NBAS: variants seen among roughly 807,000 people sequenced by gnomAD.
NBAS encodes the protein NBAS subunit of NRZ tethering complex.
NBAS carries 219 observed loss-of-function variants against 302.5 expected under a neutral mutation model. That is an observed-to-expected ratio of 0.72 (90% CI 0.65 to 0.81). The LOEUF is 0.81. Ranked by LOEUF, NBAS falls within the 30% of genes least tolerant of loss-of-function variation. The pLI is 0.00. For synonymous variants in NBAS, 1,118 were observed against 1,021.6 expected (o/e 1.09, Z -1.80); for missense variants, 2,932 against 2,841.6 (o/e 1.03, Z -0.72).
At chr2:14,999,468 A>C in the NBAS span, among the ~76,000 whole-genome samples, 3 of 152,130 alleles carry the variant, frequency 2.0e-5, no homozygotes, top group Non-Finnish European at 4.4e-5. Flanking sequence ...TGATTGCGTC[A>C]TGGGGGCGGA....
chr2:14,841,850 C>T, the NBAS span, among the ~76,000 whole-genome samples: 9 of 152,084 alleles, frequency 5.9e-5, no homozygotes, highest in Admixed American at 1.3e-4. Context: ...GCCTAACTGA[C>T]ATTTACAGAA....
At chr2:15,528,084 C>T (rs1017337102) in intron 9 of NBAS, among the ~76,000 whole-genome samples, 4 of 152,104 alleles carry the variant, frequency 2.6e-5, no homozygotes, top group Non-Finnish European at 5.9e-5. Context: ...ACACACTCTA[C>T]AGTATCAGCC....
the NBAS span, among the ~76,000 whole-genome samples, chr2:14,989,541 G>C: frequency 2.6e-5 from 4 of 151,874 alleles, no homozygotes; most frequent in Admixed American, 1.3e-4. Context: ...CTGGGCGACA[G>C]AGTGAGACAC....
chr2:14,949,104 C>T, the NBAS span, among the ~76,000 whole-genome samples: 2 of 152,072 alleles, frequency 1.3e-5, no homozygotes, highest in Admixed American at 6.6e-5. Context: ...AATTGGATTA[C>T]AGACTTAAAC....
the NBAS span, among the ~76,000 whole-genome samples, chr2:15,160,600 G>GA: frequency 7.6e-6 from 1 of 131,012 alleles, no homozygotes; most frequent in Non-Finnish European, 1.6e-5. Context: ...GGAGGGGGGG[G>GA]GGCAGGAGGC....
chr2:15,388,210 T>C (rs1353452837), intron 28 of NBAS, among the ~76,000 whole-genome samples: 1 of 152,206 alleles, frequency 6.6e-6, no homozygotes, highest in Non-Finnish European at 1.5e-5. Flanking sequence ...AATTTTCATA[T>C]ATATACTTTT....
At chr2:15,288,242 A>T (rs1670147181) in intron 41 of NBAS, among the ~76,000 whole-genome samples, 1 of 152,254 alleles carries the variant, frequency 6.6e-6, no homozygotes, top group Admixed American at 6.5e-5. Flanking sequence ...AACTAAAAAC[A>T]AACAAGCATT....
At chr2:15,536,943 G>A (rs1663548635) in intron 7 of NBAS, among the ~76,000 whole-genome samples, 1 of 152,210 alleles carries the variant, frequency 6.6e-6, no homozygotes. Flanking sequence ...GTAGCCTGCG[G>A]TAAAAAAGTC....
chr2:14,910,413 G>A, the NBAS span, among the ~76,000 whole-genome samples: 1 of 152,206 alleles, frequency 6.6e-6, no homozygotes, highest in Admixed American at 6.5e-5. Context: ...TGCCCTGTGA[G>A]TCCATGACAC....
At chr2:15,496,173 T>A (rs1054567355) in intron 11 of NBAS, among the ~76,000 whole-genome samples, 1 of 151,520 alleles carries the variant, frequency 6.6e-6, no homozygotes, top group South Asian at 2.1e-4. Flanking sequence ...TACTGATACA[T>A]GCAACAACAT....
chr2:15,292,805 C>G (rs982736501), intron 40 of NBAS, 39 bp from the exon 41 acceptor site: 1 of 1,583,318 alleles, frequency 6.3e-7, no homozygotes, highest in Non-Finnish European at 8.7e-7. Flanking sequence ...TTACCAACAT[C>G]ATACAAACAC....
chr2:15,258,242 T>C (rs1214175976), intron 44 of NBAS, among the ~76,000 whole-genome samples: 1 of 152,218 alleles, frequency 6.6e-6, no homozygotes, highest in African/African-American at 2.4e-5. Context: ...TCAGATCCAC[T>C]GTGATGATTG....
At chr2:15,405,929 T>C (rs1412706878) in intron 25 of NBAS, among the ~76,000 whole-genome samples, 1 of 151,964 alleles carries the variant, frequency 6.6e-6, no homozygotes, top group Non-Finnish European at 1.5e-5. Context: ...CATAAACTAA[T>C]AGAACAACAT....
rs145341282 is a variant in NBAS, at chr2:15,534,633, G to C, written c.656C>G (p.Thr219Arg). 3.5e-4 allele frequency: 564 copies of C among 1,612,102 alleles called. 3 individuals carry two copies. The East Asian group carries it at 8.9e-3, about 25-fold the overall frequency. Residue 219 changes from threonine (T) to arginine (R), a missense_variant, in exon 9 of 52, where the codon ACA (threonine) becomes AGA (arginine). By Grantham distance (71) the Thr-to-Arg change is moderately conservative. Coordinates refer to ENST00000281513, the MANE Select transcript of NBAS (RefSeq NM_015909.4). The part of the protein sequence containing the change: ...ELRSYLVSVG[T>R]NQSYQESHCF... ...GTGACTTTCTTGGTAGCTCTGATTT[G>C]TTCCAACACTAAATTTAAGAGGGTA...
chr2:15,189,944 G>A (rs1665267808), intron 49 of NBAS, among the ~76,000 whole-genome samples: 1 of 152,126 alleles, frequency 6.6e-6, no homozygotes, highest in Non-Finnish European at 1.5e-5. Flanking sequence ...TCTCAAGTTG[G>A]CACTGTAAGC....
At chr2:14,799,975 A>C in the NBAS span, among the ~76,000 whole-genome samples, 1 of 152,160 alleles carries the variant, frequency 6.6e-6, no homozygotes, top group African/African-American at 2.4e-5. Flanking sequence ...CTTGTAGTCA[A>C]CATATACTTC....
intron 48 of NBAS, among the ~76,000 whole-genome samples, chr2:15,190,674 G>A (rs546574435): frequency 2.0e-5 from 3 of 152,028 alleles, no homozygotes; most frequent in Non-Finnish European, 4.4e-5. Flanking sequence ...CTGGCTTGTT[G>A]GCATTTAATA....
At chr2:15,541,023 C>T (rs548675167) in intron 6 of NBAS, among the ~76,000 whole-genome samples, 1 of 152,256 alleles carries the variant, frequency 6.6e-6, no homozygotes, top group South Asian at 2.1e-4. Flanking sequence ...CGCACCCCGC[C>T]CATACGTGCC....
chr2:15,393,883 A>G (rs186006043), intron 28 of NBAS, among the ~76,000 whole-genome samples: 11 of 152,246 alleles, frequency 7.2e-5, no homozygotes, highest in Admixed American at 7.2e-4. Context: ...ACTGATTTCT[A>G]TAAAATTCTA....
Sources: gnomAD v4.1 joint callset for allele counts (sites outside exome capture counted in the v4.1 genomes callset) on GRCh38, gnomAD v4.1.1 for gene constraint, MANE v1.5 for transcripts, NCBI Gene and HGNC (gene_info 2026-07-23, HGNC 2026-07-21) for gene names.